CLSTN2: variants seen among roughly 807,000 people sequenced by gnomAD.
CLSTN2 encodes the protein calsyntenin-2.
Under a neutral mutation model 101.2 loss-of-function variants are expected in CLSTN2, and 48 were observed. That is an observed-to-expected ratio of 0.47 (90% CI 0.38 to 0.60). The LOEUF (loss-of-function observed/expected upper bound fraction) is 0.60, where lower values mean the gene tolerates loss of function less well. Ranked by LOEUF, CLSTN2 falls within the 20% of genes least tolerant of loss-of-function variation. The pLI, the probability that CLSTN2 is intolerant of heterozygous loss-of-function variation, is 0.00. For missense variants in CLSTN2, 1,160 were observed against 1,238.2 expected (o/e 0.94, Z 0.95); for synonymous variants, 481 against 463.6 (o/e 1.04, Z -0.48).
At chr3:140,030,775 T>C (rs768716800) in intron 1 of CLSTN2, among the ~76,000 whole-genome samples, 3 of 152,236 alleles carry the variant, frequency 2.0e-5, no homozygotes, top group Non-Finnish European at 4.4e-5. Flanking sequence ...GAATTGTTAA[T>C]TAAAAAACGC....
At chr3:140,144,893 G>T (rs2009758169) in intron 1 of CLSTN2, among the ~76,000 whole-genome samples, 1 of 152,146 alleles carries the variant, frequency 6.6e-6, no homozygotes, top group Non-Finnish European at 1.5e-5. Flanking sequence ...CCCTTTCTCT[G>T]GGGCCTGGAT....
intron 2 of CLSTN2, among the ~76,000 whole-genome samples, chr3:140,237,466 A>G (rs2107864765): frequency 6.6e-6 from 1 of 152,216 alleles, no homozygotes; most frequent in African/African-American, 2.4e-5. Context: ...AACCTTCTGG[A>G]GATCTCCATG....
At chr3:140,526,604 AAAAC>A (rs1416897397) in intron 8 of CLSTN2, among the ~76,000 whole-genome samples, 2 of 151,176 alleles carry the variant, frequency 1.3e-5, no homozygotes, top group Non-Finnish European at 2.9e-5. Flanking sequence ...ACAAAAAAAA[AAAAC>A]AACCACAGCA....
chr3:140,223,614 C>T (rs1010415769), intron 2 of CLSTN2, among the ~76,000 whole-genome samples: 3 of 152,188 alleles, frequency 2.0e-5, no homozygotes, highest in South Asian at 4.1e-4. Context: ...TCTGCAATGC[C>T]GGGTAGATGT....
chr3:140,002,525 T>C (rs554489536), intron 1 of CLSTN2, among the ~76,000 whole-genome samples: 2 of 152,274 alleles, frequency 1.3e-5, no homozygotes, highest in East Asian at 3.9e-4. Context: ...CTTCATTTTG[T>C]TTATTGTTTC....
At position 140,576,390 on chromosome 3, in the gene CLSTN2, T is replaced by C. The variant is rs1284715244; in HGVS notation, c.*10137T>C. 4 of 152,240 alleles carry C rather than the reference T, an allele frequency of 2.6e-5. No individual in the cohort carries two copies. Among genetic ancestry groups the C allele is most frequent in the Non-Finnish European group, 5.9e-5 (4 of 68,040 alleles). The allele number at this position is 152,240 out of a possible 1,614,324, so 9.4% of individuals were successfully genotyped here. ...ACCGTTGCCCAAACACTTGGTATAATGCTATTGAATTTTTCACCTCCAGGC... is the reference window on the plus strand; with the variant it reads ...ACCGTTGCCCAAACACTTGGTATAACGCTATTGAATTTTTCACCTCCAGGC... On this transcript the variant is annotated 3_prime_UTR_variant, in exon 17 of 17. Coordinates refer to ENST00000458420, the MANE Select transcript of CLSTN2 (RefSeq NM_022131.3).
intron 8 of CLSTN2, among the ~76,000 whole-genome samples, chr3:140,493,687 C>T (rs747804303): frequency 2.6e-4 from 39 of 152,168 alleles, no homozygotes; most frequent in Non-Finnish European, 4.6e-4. Context: ...ATCACCTAAG[C>T]CTCTCTGTGC....
intron 2 of CLSTN2, among the ~76,000 whole-genome samples, chr3:140,276,703 A>C (rs1411775034): frequency 6.6e-6 from 1 of 152,184 alleles, no homozygotes; most frequent in African/African-American, 2.4e-5. Flanking sequence ...ATTATTTAGC[A>C]TCAAAAGTCC....
intron 2 of CLSTN2, among the ~76,000 whole-genome samples, chr3:140,185,340 C>T (rs1412209245): frequency 1.3e-5 from 2 of 152,162 alleles, no homozygotes; most frequent in Non-Finnish European, 2.9e-5. Context: ...AAATAAAGAA[C>T]AAGACCCCCA....
chr3:140,286,348 A>G (rs1178683113), intron 2 of CLSTN2, among the ~76,000 whole-genome samples: 1 of 152,172 alleles, frequency 6.6e-6, no homozygotes, highest in Non-Finnish European at 1.5e-5. Context: ...TCCACAAATC[A>G]GTTAAGTGTT....
intron 2 of CLSTN2, among the ~76,000 whole-genome samples, chr3:140,205,618 G>A (rs1331756239): frequency 1.2e-4 from 8 of 67,172 alleles, no homozygotes; most frequent in Admixed American, 3.0e-4. Context: ...GACCTGACCC[G>A]CCCCCCACCC....
At chr3:140,057,907 G>T (rs957471191) in intron 1 of CLSTN2, among the ~76,000 whole-genome samples, 1 of 152,196 alleles carries the variant, frequency 6.6e-6, no homozygotes, top group Non-Finnish European at 1.5e-5. Flanking sequence ...CCATGGAAAT[G>T]AATGTTTATA....
chr3:140,550,656 T>G (rs1935683781), intron 10 of CLSTN2, among the ~76,000 whole-genome samples: 1 of 152,032 alleles, frequency 6.6e-6, no homozygotes, highest in African/African-American at 2.4e-5. Flanking sequence ...AACACAAAGA[T>G]GCTGGGCTCA....
chr3:140,128,353 G>A (rs1157837888), intron 1 of CLSTN2, among the ~76,000 whole-genome samples: 1 of 152,190 alleles, frequency 6.6e-6, no homozygotes, highest in African/African-American at 2.4e-5. Context: ...ATGAAACAAA[G>A]CATTAAATAT....
intron 4 of CLSTN2, among the ~76,000 whole-genome samples, chr3:140,409,475 A>T (rs1180764945): frequency 6.6e-6 from 1 of 152,118 alleles, no homozygotes; most frequent in Non-Finnish European, 1.5e-5. Context: ...AGCCACCCAT[A>T]CACTAGGCAC....
intron 9 of CLSTN2, among the ~76,000 whole-genome samples, chr3:140,543,110 G>A (rs999281517): frequency 6.6e-6 from 1 of 152,162 alleles, no homozygotes; most frequent in African/African-American, 2.4e-5. Context: ...ATATCACATG[G>A]TGTTGGGTAC....
At position 140,112,117 on chromosome 3, in the gene CLSTN2, A is replaced by G. The variant is rs373288221; in HGVS notation, c.110-63834A>G. On this transcript the variant is annotated intron_variant, in intron 1 of 16. Coordinates refer to ENST00000458420, the MANE Select transcript of CLSTN2 (RefSeq NM_022131.3). ...AGGAATTCTTCATTCTGTTGAAACC[A>G]AAATTTTCTTTAAAATAGAACACAC... Among the ~76,000 whole-genome samples, 6 of 152,370 alleles carry G rather than the reference A, an allele frequency of 3.9e-5. No individual in the cohort carries two copies. The East Asian group carries it at 1.2e-3, about 29-fold the overall frequency.
chr3:140,131,427 C>T (rs551904123), intron 1 of CLSTN2, among the ~76,000 whole-genome samples: 3 of 151,870 alleles, frequency 2.0e-5, no homozygotes, highest in East Asian at 1.9e-4. Flanking sequence ...ACAAATTATG[C>T]GTGTGTTGAA....
chr3:140,415,751 A>G (rs2088425608), intron 4 of CLSTN2, among the ~76,000 whole-genome samples: 1 of 152,192 alleles, frequency 6.6e-6, no homozygotes, highest in African/African-American at 2.4e-5. Flanking sequence ...ACTGTTGGTG[A>G]AAATGTAAAT....
Sources: allele counts gnomAD v4.1 joint callset (sites outside exome capture counted in the v4.1 genomes callset), GRCh38; gene constraint gnomAD v4.1.1; transcripts MANE v1.5; gene names NCBI Gene and HGNC (gene_info 2026-07-23, HGNC 2026-07-21).